Variants in SIK2 observed in about 807,000 individuals in gnomAD.
SIK2 encodes the protein serine/threonine-protein kinase SIK2.
SIK2 carries 29 observed loss-of-function variants against 103.2 expected under a neutral mutation model. The ratio of observed to expected loss-of-function variants is 0.28; its 90% CI spans 0.21 to 0.38. SIK2 has a LOEUF of 0.38. SIK2 is among the 10% of genes least tolerant of loss of function. SIK2 has a pLI of 1.00. For missense variants in SIK2, 879 were observed against 1,171.0 expected (o/e 0.75, Z 3.64); for synonymous variants, 412 against 446.1 (o/e 0.92, Z 0.96).
chr11:111,686,301 C>T (rs1942845166), intron 3 of SIK2, among the ~76,000 whole-genome samples: 1 of 151,964 alleles, frequency 6.6e-6, no homozygotes, highest in African/African-American at 2.4e-5. Flanking sequence ...TTTAGCCAGG[C>T]GTGGTGGTGT....
rs925433572 is a variant in SIK2 at position 111,730,685 on chromosome 11, T to A, written c.*6556T>A. 6 of 151,900 alleles carry A rather than the reference T, an allele frequency of 3.9e-5. No individual in the cohort carries two copies. Among genetic ancestry groups the A allele is most frequent in the Non-Finnish European group, 8.8e-5 (6 of 67,976 alleles). The allele number at this position is 151,900 out of a possible 1,614,324, so 9.4% of individuals were successfully genotyped here. ...AATAGCTCCAATGTGAAAAAAAAAA[T>A]CAAAAGTATAACTTGTCACTTAATG... is the stretch of plus-strand genomic sequence containing the variant. On this transcript the variant is annotated 3_prime_UTR_variant, in exon 15 of 15. Transcript: ENST00000304987.
chr11:111,693,265 C>G (rs899548130), intron 4 of SIK2, among the ~76,000 whole-genome samples: 64 of 151,080 alleles, frequency 4.2e-4, no homozygotes, highest in Admixed American at 7.3e-4. Context: ...ACCAGGGAGT[C>G]AGAGGTTGCA....
chr11:111,682,961 G>A (rs960890057), intron 3 of SIK2: 1 of 151,704 alleles, frequency 6.6e-6, no homozygotes, highest in Non-Finnish European at 1.5e-5. Context: ...AACTGGAGGG[G>A]GTGTTGACAT....
chr11:111,698,703 C>T (rs1181871450), intron 4 of SIK2, among the ~76,000 whole-genome samples: 1 of 152,058 alleles, frequency 6.6e-6, no homozygotes, highest in East Asian at 1.9e-4. Context: ...AGAGCAAGAC[C>T]CTATCTCAAA....
At chr11:111,713,413 ACT>A (rs1943554887) in intron 9 of SIK2, among the ~76,000 whole-genome samples, 2 of 152,108 alleles carry the variant, frequency 1.3e-5, no homozygotes, top group South Asian at 4.1e-4. Flanking sequence ...ACGTAACAAA[ACT>A]CTTTGAACCT....
At position 111,700,915 on chromosome 11, in the gene SIK2, G is replaced by A. The variant is rs1943197912; in HGVS notation, c.508G>A (p.Gly170Ser). The change falls in exon 5 of 15, where the codon GGT (glycine) becomes AGT (serine). Residue 170 changes from glycine to serine, a missense_variant. Gly to Ser is a moderately conservative substitution (Grantham distance 56). This residue lies in a region of SIK2 where 126 missense variants were observed against 245.5 expected (regional missense o/e 0.51). Transcript: ENST00000304987. ...CGGTTTTGGAAATTTCTTTAAAAGT[G>A]GTGAACTGCTGGCAACATGGTGTGG... is the stretch of plus-strand genomic sequence containing the variant. The part of the protein sequence containing the change: ...DFGFGNFFKS[G>S]ELLATWCGSP... 6.2e-7 allele frequency: 1 copy of A among 1,613,984 alleles called. No homozygotes were observed. The highest frequency in any genetic ancestry group is 1.1e-5 in the South Asian group (1 of 91,066).
intron 4 of SIK2, among the ~76,000 whole-genome samples, chr11:111,689,492 T>G (rs1473219101): frequency 1.3e-5 from 2 of 152,108 alleles, no homozygotes; most frequent in Admixed American, 1.3e-4. Context: ...GTTGAAGGTA[T>G]GTAAGGGAGA....
In SIK2 at chr11:111,703,242, C is replaced by T; in HGVS notation, c.767C>T (p.Pro256Leu). 6.2e-7 allele frequency: 1 copy of T among 1,614,146 alleles called. No individual in the cohort carries two copies. Among genetic ancestry groups the T allele is most frequent in the Non-Finnish European group, 8.5e-7 (1 of 1,180,020 alleles). Residue 256 changes from proline to leucine, a missense_variant, in exon 7 of 15, where the codon CCA becomes CTA. Around this residue, in one of 7 missense-constraint regions of SIK2, gnomAD observed 99 missense variants for 153.9 expected, o/e 0.64. Transcript: ENST00000304987. ...HLIRRMLVLD[P>L]SKRLTIAQIK... ...ATCCGAAGGATGTTGGTCCTAGACCCATCCAAACGGCTAACCATAGCCCAA... is the reference window on the plus strand; with the variant it reads ...ATCCGAAGGATGTTGGTCCTAGACCTATCCAAACGGCTAACCATAGCCCAA...
At chr11:111,699,878 G>C (rs990408115) in intron 4 of SIK2, among the ~76,000 whole-genome samples, 2 of 152,204 alleles carry the variant, frequency 1.3e-5, no homozygotes, top group Non-Finnish European at 2.9e-5. Flanking sequence ...TGGCAGTAGA[G>C]ACTTGATCCA....
At chr11:111,721,747 C>G (rs547831432) in intron 12 of SIK2, 83 bp from the exon 13 acceptor site, 1 of 1,015,954 alleles carries the variant, frequency 9.8e-7, no homozygotes, top group Non-Finnish European at 1.4e-6. Flanking sequence ...TCCTATTGGA[C>G]ATTGCAAAGG....
rs1943786232 is a variant in SIK2, at chr11:111,721,070, C to T, written c.1944+8C>T. 1.2e-6 allele frequency: 2 copies of T among 1,605,990 alleles called. No homozygotes were observed. Among genetic ancestry groups the T allele is most frequent in the East Asian group, 4.5e-5 (2 of 44,838 alleles). On this transcript the variant is annotated splice_region_variant and intron_variant, in intron 12 of 14. Transcript: ENST00000304987. ...GCTAGCAGCTGCCCTCAGGTGGGTA[C>T]CTTGGGCCCTTCCCTCAATGGCTCT...
Position 111,727,176 on chromosome 11 carries a change from C to G in SIK2, c.*3047C>G, listed in dbSNP as rs1253106414. 7 of 817,568 alleles carry G rather than the reference C, an allele frequency of 8.6e-6. No homozygotes were observed. Among genetic ancestry groups the G allele is most frequent in the Non-Finnish European group, 1.4e-5 (7 of 492,350 alleles). The allele number at this position is 817,568 out of a possible 1,614,324, so 50.6% of individuals were successfully genotyped here. On this transcript the variant is annotated 3_prime_UTR_variant, in exon 15 of 15. Transcript: ENST00000304987. The stretch of plus-strand genomic sequence containing the variant: ...CCTCTGCCTGCACTGCCTTCTGTCA[C>G]CGTGGGAAAAGGAGGCTGATGGTTC...
Position 111,719,833 on chromosome 11 carries a change from C to G in SIK2, c.1325C>G (p.Ser442Ter). ...GTCCTGGTGCGGAAGGGATGCCAGT[C>G]ACTGCCCAGCAACATGATGGAGACC... ...PPVLVRKGCQ[S>*]LPSNMMETSI... is the part of the protein sequence containing the mutation. Residue 442 changes from serine to a stop codon, truncating the protein, a stop_gained, in exon 10 of 15, where the codon TCA becomes TGA. Transcript: ENST00000304987. LOFTEE classifies it high-confidence loss of function. 6.2e-7 allele frequency: 1 copy of G among 1,614,116 alleles called. No individual in the cohort carries two copies. Among genetic ancestry groups the G allele is most frequent in the Non-Finnish European group, 8.5e-7 (1 of 1,180,040 alleles).
chr11:111,689,168 G>A (rs1048169967), intron 4 of SIK2, among the ~76,000 whole-genome samples: 1 of 152,174 alleles, frequency 6.6e-6, no homozygotes, highest in Non-Finnish European at 1.5e-5. Context: ...CTGTAGGCAT[G>A]CAGGATTGAT....
At chr11:111,697,240 A>G (rs1199916667) in intron 4 of SIK2, among the ~76,000 whole-genome samples, 1 of 152,224 alleles carries the variant, frequency 6.6e-6, no homozygotes, top group Non-Finnish European at 1.5e-5. Flanking sequence ...CTAAGAAGAA[A>G]TTATCTTCAG....
intron 7 of SIK2, among the ~76,000 whole-genome samples, chr11:111,704,323 A>T (rs993018617): frequency 3.9e-5 from 6 of 152,252 alleles, no homozygotes; most frequent in Non-Finnish European, 5.9e-5. Flanking sequence ...AGGTGGAATT[A>T]GAACCCAAAG....
At chr11:111,706,984 T>A (rs188539740) in intron 8 of SIK2, among the ~76,000 whole-genome samples, 225 of 150,622 alleles carry the variant, frequency 1.5e-3, no homozygotes, top group Non-Finnish European at 2.5e-3. Context: ...AAAAAAAGTA[T>A]TGATACAGAT....
intron 11 of SIK2, 49 bp downstream of exon 11, chr11:111,720,811 G>GT: frequency 1.9e-6 from 3 of 1,572,478 alleles, no homozygotes; most frequent in Non-Finnish European, 2.6e-6. Context: ...TAGGAGAGCA[G>GT]TTTCTTGCCA....
At chr11:111,669,901 T>A (rs551376286) in intron 3 of SIK2, among the ~76,000 whole-genome samples, 1 of 152,338 alleles carries the variant, frequency 6.6e-6, no homozygotes, top group South Asian at 2.1e-4. Context: ...CTACCTTTTT[T>A]AATACTTTTT....
Sources: gnomAD v4.1 joint callset for allele counts (sites outside exome capture counted in the v4.1 genomes callset) on GRCh38, gnomAD v4.1.1 for gene constraint, gnomAD v4.1.1 regional missense constraint, MANE v1.5 for transcripts, NCBI Gene and HGNC (gene_info 2026-07-23, HGNC 2026-07-21) for gene names.